Variants in CATSPERE observed in about 807,000 individuals in gnomAD.
The protein encoded by CATSPERE is cation channel sperm-associated auxiliary subunit epsilon.
Under a neutral mutation model 114.1 loss-of-function variants are expected in CATSPERE, and 93 were observed. That is an observed-to-expected ratio of 0.81 (90% CI 0.69 to 0.97). The LOEUF (loss-of-function observed/expected upper bound fraction) is 0.97, where lower values mean the gene tolerates loss of function less well. Ranked by LOEUF, CATSPERE falls within the 50% of genes least tolerant of loss-of-function variation. The probability of loss-of-function intolerance (pLI) is 0.00; values close to 1 mark genes in which losing one functional copy is unlikely to be tolerated. For missense variants in CATSPERE, 1,058 were observed against 1,131.6 expected (o/e 0.93, Z 0.93); for synonymous variants, 341 against 384.1 (o/e 0.89, Z 1.31).
intron 1 of CATSPERE, among the ~76,000 whole-genome samples, chr1:244,463,286 A>G (rs1242516020): frequency 2.0e-5 from 3 of 152,290 alleles, no homozygotes; most frequent in African/African-American, 7.2e-5. Context: ...GGTGGCTTGT[A>G]TTATATTGGA....
upstream of CATSPERE, among the ~76,000 whole-genome samples, chr1:244,459,574 A>C (rs1666467012): frequency 6.6e-6 from 1 of 152,328 alleles, no homozygotes. Context: ...AAAAATGGGG[A>C]CTGGAGAGAG....
At chr1:244,513,471 C>A (rs567754564) in intron 7 of CATSPERE, among the ~76,000 whole-genome samples, 2 of 152,170 alleles carry the variant, frequency 1.3e-5, no homozygotes, top group East Asian at 3.9e-4. Context: ...TGGAGAAGAT[C>A]AATCTCCAGG....
chr1:244,462,809 A>G (rs1383586172), intron 1 of CATSPERE, among the ~76,000 whole-genome samples: 1 of 152,190 alleles, frequency 6.6e-6, no homozygotes, highest in African/African-American at 2.4e-5. Flanking sequence ...TAATTCTGAT[A>G]AGGGAATTGC....
intron 20 of CATSPERE, among the ~76,000 whole-genome samples, chr1:244,628,866 G>A (rs114966026): frequency 0.021 from 3,144 of 152,282 alleles, 52 homozygotes; most frequent in Non-Finnish European, 0.034. Flanking sequence ...AATGGGAGCT[G>A]AGTCAGCTAT....
chr1:244,568,904 A>C lies in CATSPERE; in HGVS notation c.1508-3426A>C, dbSNP rs562411846. On this transcript the variant is annotated intron_variant, in intron 10 of 21. Coordinates refer to ENST00000366534, the MANE Select transcript of CATSPERE (RefSeq NM_001130957.2). This position sits in a 1 kb window ranked among gnomAD's most constrained non-coding sequence, Gnocchi z 4.4. ...CACTGGGGTATGAAAAAAAACAAAA[A>C]CAAAAACAAAGACAAAAAACTCCTG... 2.0e-5 allele frequency among the ~76,000 whole-genome samples: 3 copies of C among 152,164 alleles called. No homozygotes were observed. The East Asian group carries it at 5.8e-4, about 29-fold the overall frequency.
chr1:244,585,543 A>G (rs1329267072), intron 13 of CATSPERE, among the ~76,000 whole-genome samples: 2 of 152,204 alleles, frequency 1.3e-5, no homozygotes, highest in Non-Finnish European at 2.9e-5. Flanking sequence ...ACTGTGAAGT[A>G]TGCCTTCAAC....
intron 10 of CATSPERE, among the ~76,000 whole-genome samples, chr1:244,563,640 G>A (rs999298541): frequency 6.6e-6 from 1 of 152,096 alleles, no homozygotes. Flanking sequence ...TCAGGTTTTT[G>A]TAGATTCTGG....
chr1:244,541,395 C>G (rs1432951201), intron 8 of CATSPERE, among the ~76,000 whole-genome samples: 1 of 150,102 alleles, frequency 6.7e-6, no homozygotes, highest in Admixed American at 6.6e-5. Flanking sequence ...AGCCAAAAAA[C>G]ACATGAAAAA....
Position 244,599,659 on chromosome 1 carries a change from A to G in CATSPERE, c.2304-6036A>G, listed in dbSNP as rs574077716. Among the ~76,000 whole-genome samples the G allele has an allele frequency of 4.6e-5, 7 of 152,348 alleles. 1 individual carries two copies. The South Asian group carries it at 1.4e-3, about 32-fold the overall frequency. ...AATCCTTATCATGGAGTAAAAGCCA[A>G]GACCTTACAATGACTTTCAAGGTTC... On this transcript the variant is annotated intron_variant, in intron 17 of 21. Transcript: ENST00000366534.
At chr1:244,490,115 A>C (rs1324266047) in intron 5 of CATSPERE, among the ~76,000 whole-genome samples, 2 of 152,164 alleles carry the variant, frequency 1.3e-5, no homozygotes, top group Non-Finnish European at 2.9e-5. Context: ...CTTTTTGTTA[A>C]AATCATATGA....
chr1:244,571,809 C>T (rs1664505598), intron 10 of CATSPERE, among the ~76,000 whole-genome samples: 1 of 152,024 alleles, frequency 6.6e-6, no homozygotes, highest in African/African-American at 2.4e-5. Context: ...CCTCATGTGG[C>T]CTTTCTTCTC....
At chr1:244,527,280 A>G (rs1194552187) in intron 8 of CATSPERE, among the ~76,000 whole-genome samples, 1 of 152,194 alleles carries the variant, frequency 6.6e-6, no homozygotes, top group Non-Finnish European at 1.5e-5. Context: ...CCCCTGAAGC[A>G]GCCATTTCAG....
intron 8 of CATSPERE, among the ~76,000 whole-genome samples, chr1:244,542,064 G>A (rs1424001166): frequency 6.7e-6 from 1 of 148,988 alleles, no homozygotes; most frequent in East Asian, 2.0e-4. Context: ...GCTAGGTGAT[G>A]AGTTAATGGG....
chr1:244,543,524 C>G (rs1195747404), intron 8 of CATSPERE, among the ~76,000 whole-genome samples: 1 of 151,362 alleles, frequency 6.6e-6, no homozygotes, highest in Admixed American at 6.6e-5. Context: ...TCAAAGGGTA[C>G]AAAAGTTCAG....
At chr1:244,546,173 C>G (rs574578698) in intron 8 of CATSPERE, among the ~76,000 whole-genome samples, 10 of 152,176 alleles carry the variant, frequency 6.6e-5, no homozygotes, top group African/African-American at 1.9e-4. Flanking sequence ...TCAGATGCAC[C>G]CCATCACTAC....
chr1:244,621,214 T>TAGATATATTTATATAG (rs56940000), intron 20 of CATSPERE, among the ~76,000 whole-genome samples: 1,768 of 20,960 alleles, frequency 0.084, 581 homozygotes, highest in East Asian at 0.12. Flanking sequence ...TATATTTATA[T>TAGATATATTTATATAG]ATATATTTAT....
At chr1:244,605,841 A>ATT in intron 18 of CATSPERE, 47 bp downstream of exon 18, 1 of 1,270,904 alleles carries the variant, frequency 7.9e-7, no homozygotes. Context: ...CAACTAGACA[A>ATT]TGTCTTCCTG....
upstream of CATSPERE, among the ~76,000 whole-genome samples, chr1:244,459,433 A>G (rs1465726601): frequency 6.6e-6 from 1 of 152,240 alleles, no homozygotes; most frequent in African/African-American, 2.4e-5. Flanking sequence ...GAGTTCTATC[A>G]GAGCCAATGA....
intron 14 of CATSPERE, 104 bp downstream of exon 14, chr1:244,588,638 A>T (rs1166296129): frequency 6.7e-6 from 6 of 893,388 alleles, no homozygotes; most frequent in Non-Finnish European, 1.1e-5. Context: ...TGACACATCC[A>T]CAATGAAATC....
Sources: gnomAD v4.1 joint callset for allele counts (sites outside exome capture counted in the v4.1 genomes callset) on GRCh38, gnomAD v4.1.1 for gene constraint, Gnocchi (gnomAD v3.1) non-coding constraint, MANE v1.5 for transcripts, NCBI Gene and HGNC (gene_info 2026-07-23, HGNC 2026-07-21) for gene names.